The following TP63 variants were observed in gnomAD, a reference collection of about 807,000 sequenced individuals.
TP63 encodes tumor protein p63.
A neutral mutation model predicts 82.8 loss-of-function variants in TP63; 17 were observed. The observed-to-expected ratio is 0.21, with a 90% CI of 0.14 to 0.31. The LOEUF is 0.31. TP63 is among the 10% of genes least tolerant of loss of function. The pLI is 1.00. For missense variants in TP63, 648 were observed against 895.3 expected (o/e 0.72, Z 3.52); for synonymous variants, 330 against 321.7 (o/e 1.03, Z -0.28).
At chr3:189,890,724 C>A (rs1720931042) in intron 12 of TP63, 65 bp from the exon 13 acceptor site, 3 of 1,480,620 alleles carry the variant, frequency 2.0e-6, no homozygotes, top group African/African-American at 1.4e-5. Flanking sequence ...CCTTATCTCG[C>A]CAATGCAGTT....
chr3:189,731,638 T>C (rs1720182844), intron 1 of TP63, among the ~76,000 whole-genome samples: 1 of 152,194 alleles, frequency 6.6e-6, no homozygotes, highest in Non-Finnish European at 1.5e-5. Context: ...GTGCAGACCA[T>C]TGGCAGAAAC....
chr3:189,865,863 C>T (rs555133489), intron 5 of TP63, among the ~76,000 whole-genome samples: 6 of 152,226 alleles, frequency 3.9e-5, no homozygotes, highest in African/African-American at 7.2e-5. Context: ...TATTTGTAAG[C>T]GTTTTCCCAT....
chr3:189,857,185 A>G (rs1336434609), intron 4 of TP63, among the ~76,000 whole-genome samples: 1 of 152,182 alleles, frequency 6.6e-6, no homozygotes, highest in Non-Finnish European at 1.5e-5. Context: ...AAATAGATCA[A>G]TAGGAAAGAG....
chr3:189,795,607 A>G (rs890491895), intron 3 of TP63, among the ~76,000 whole-genome samples: 8 of 152,078 alleles, frequency 5.3e-5, no homozygotes, highest in Non-Finnish European at 8.8e-5. Flanking sequence ...GGAACATAGT[A>G]TATTGATTTA....
At chr3:189,834,214 C>A (rs1395260340) in intron 4 of TP63, among the ~76,000 whole-genome samples, 2 of 152,126 alleles carry the variant, frequency 1.3e-5, no homozygotes, top group African/African-American at 4.8e-5. Context: ...TTACTCGTTC[C>A]AAAGCCTAAC....
chr3:189,732,667 A>T (rs985109311), intron 1 of TP63, among the ~76,000 whole-genome samples: 2 of 152,222 alleles, frequency 1.3e-5, no homozygotes, highest in African/African-American at 4.8e-5. Flanking sequence ...GTTCAAAGGC[A>T]TTGAGTAACT....
intron 1 of TP63, among the ~76,000 whole-genome samples, chr3:189,665,016 A>G (rs1714256421): frequency 6.6e-6 from 1 of 152,190 alleles, no homozygotes; most frequent in African/African-American, 2.4e-5. Context: ...CTTATAACTA[A>G]GTAAAAATAT....
At chr3:189,770,661 G>A (rs1723271862) in intron 3 of TP63, among the ~76,000 whole-genome samples, 1 of 151,830 alleles carries the variant, frequency 6.6e-6, no homozygotes, top group Admixed American at 6.6e-5. Flanking sequence ...ATATTATTAT[G>A]CCTAGAAGGC....
In TP63 at chr3:189,638,948, C is replaced by T. The variant is rs147081620; in HGVS notation, c.62+7371C>T. Among the ~76,000 whole-genome samples, 91 of 152,206 alleles carry T rather than the reference C, an allele frequency of 6.0e-4. No homozygotes were observed. In the East Asian group the frequency reaches 0.016, roughly 26 times the overall value. On this transcript the variant is annotated intron_variant, in intron 1 of 13. Transcript: ENST00000264731. Reference sequence around the variant, plus strand: ...CCAATACATGCTCATAAAAAGGTAACTAGAGATAATGAAAAACAGAGATGC... The same window carrying T: ...CCAATACATGCTCATAAAAAGGTAATTAGAGATAATGAAAAACAGAGATGC...
At chr3:189,667,905 T>G (rs908083549) in intron 1 of TP63, among the ~76,000 whole-genome samples, 1 of 152,050 alleles carries the variant, frequency 6.6e-6, no homozygotes, top group Non-Finnish European at 1.5e-5. Flanking sequence ...AATAAATAGG[T>G]GTGGCCATGT....
chr3:189,781,750 A>T (rs987561517), intron 3 of TP63, among the ~76,000 whole-genome samples: 3 of 152,174 alleles, frequency 2.0e-5, no homozygotes, highest in Non-Finnish European at 4.4e-5. Context: ...AGTGAAGCCT[A>T]AAATTGCCAG....
intron 10 of TP63, among the ~76,000 whole-genome samples, chr3:189,882,263 T>G (rs1192970556): frequency 6.6e-6 from 1 of 152,090 alleles, no homozygotes; most frequent in Non-Finnish European, 1.5e-5. Context: ...GTTTTTAATG[T>G]GTTTATAGTG....
At chr3:189,892,216 T>C (rs1374515806) in intron 13 of TP63, among the ~76,000 whole-genome samples, 1 of 152,232 alleles carries the variant, frequency 6.6e-6, no homozygotes, top group Non-Finnish European at 1.5e-5. Context: ...TCCTCTTCCC[T>C]ATATTTTTAA....
intron 4 of TP63, among the ~76,000 whole-genome samples, chr3:189,842,259 G>A (rs1041143431): frequency 6.6e-6 from 1 of 152,106 alleles, no homozygotes; most frequent in Non-Finnish European, 1.5e-5. Flanking sequence ...TGTCACGTCT[G>A]TGTCCATAAA....
intron 3 of TP63, among the ~76,000 whole-genome samples, chr3:189,748,019 A>T (rs1721507770): frequency 6.6e-6 from 1 of 151,994 alleles, no homozygotes; most frequent in South Asian, 2.1e-4. Context: ...TAAATAGAAG[A>T]CCTGAACAGA....
intron 9 of TP63, among the ~76,000 whole-genome samples, chr3:189,872,211 C>T (rs1470246559): frequency 1.3e-5 from 2 of 151,916 alleles, no homozygotes; most frequent in Non-Finnish European, 2.9e-5. Context: ...TCTCATCGCT[C>T]CTAAGAGAAA....
chr3:189,851,683 C>T (rs1715650779), intron 4 of TP63, among the ~76,000 whole-genome samples: 1 of 152,192 alleles, frequency 6.6e-6, no homozygotes, highest in African/African-American at 2.4e-5. Flanking sequence ...GGTCCCCCTG[C>T]TAGCTTGGTG....
rs1304108735 is a variant in TP63 at position 189,869,460 on chromosome 3, G to A, written c.1212+54G>A. 9 of 1,459,410 alleles carry A rather than the reference G, an allele frequency of 6.2e-6. No individual in the cohort carries two copies. The East Asian group carries it at 1.6e-4, about 26-fold the overall frequency. The allele number at this position is 1,459,410 out of a possible 1,614,324, so 90.4% of individuals were successfully genotyped here. A position where few individuals can be genotyped will look rare whatever the true frequency, so the allele number is the denominator to read the frequency against. Reference sequence around the variant, plus strand: ...CTTCATTTTAACCTTCTTTGAATGGGCTTTTACAGTATGATCATCATCTCA... The same window carrying A: ...CTTCATTTTAACCTTCTTTGAATGGACTTTTACAGTATGATCATCATCTCA... On this transcript the variant is annotated intron_variant, in intron 9 of 13. Transcript: ENST00000264731.
At chr3:189,810,917 T>C (rs927563950) in intron 4 of TP63, among the ~76,000 whole-genome samples, 3 of 150,890 alleles carry the variant, frequency 2.0e-5, no homozygotes, top group African/African-American at 7.3e-5. Context: ...AAACCATCAC[T>C]CAAAGCCCCT....
Sources: allele counts gnomAD v4.1 joint callset (sites outside exome capture counted in the v4.1 genomes callset), GRCh38; gene constraint gnomAD v4.1.1; transcripts MANE v1.5; gene names NCBI Gene and HGNC (gene_info 2026-07-23, HGNC 2026-07-21).